CDH1: variants seen among roughly 807,000 people sequenced by gnomAD.
CDH1 encodes the protein cadherin-1.
In CDH1, 35 loss-of-function variants were observed where a neutral mutation model predicts 84.5. That is an observed-to-expected ratio of 0.41 (90% confidence interval 0.32 to 0.55). The LOEUF (loss-of-function observed/expected upper bound fraction) is 0.55, where lower values mean the gene tolerates loss of function less well. CDH1 is among the 20% of genes least tolerant of loss of function. The pLI is 0.19. For missense variants in CDH1, 994 were observed against 1,126.6 expected, an observed-to-expected ratio of 0.88 and a Z score of 1.68; for synonymous variants, 417 against 439.0, an observed-to-expected ratio of 0.95 and a Z score of 0.63.
intron 2 of CDH1, among the ~76,000 whole-genome samples, chr16:68,771,656 AC>A: frequency 6.6e-6 from 1 of 151,828 alleles, no homozygotes; most frequent in Non-Finnish European, 1.5e-5. Flanking sequence ...GGAGGCTGAG[AC>A]AGGAGAATCG....
chr16:68,801,616 G>A (rs1960500604), intron 2 of CDH1, 54 bp from the exon 3 acceptor site: 3 of 1,447,130 alleles, frequency 2.1e-6, no homozygotes, highest in African/African-American at 2.8e-5. Context: ...GAGAAGGAAT[G>A]CTCTTGTCTT....
At chr16:68,745,533 CAA>C (rs67825283) in intron 2 of CDH1, among the ~76,000 whole-genome samples, 99 of 40,414 alleles carry the variant, frequency 2.4e-3, no homozygotes, top group African/African-American at 6.5e-3. Flanking sequence ...GATCCTGTCT[CAA>C]AAAAAAAAAA....
At chr16:68,815,977 C>G (rs1960977958) in intron 10 of CDH1, among the ~76,000 whole-genome samples, 1 of 152,136 alleles carries the variant, frequency 6.6e-6, no homozygotes, top group African/African-American at 2.4e-5. Flanking sequence ...TCTCTTTGAG[C>G]TCTTGTAGTA....
Position 68,815,678 on chromosome 16 carries a change from T to C in CDH1, c.1484T>C (p.Val495Ala), listed in dbSNP as rs786202482. 1.9e-6 allele frequency: 3 copies of C among 1,614,128 alleles called. No individual in the cohort carries two copies. Among genetic ancestry groups the C allele is most frequent in the African/African-American group, 2.7e-5 (2 of 74,948 alleles). ...IFVPPEKRVE[V>A]SEDFGVGQEI... ...GTGCCTCCTGAAAAGAGAGTGGAAG[T>C]GTCCGAGGACTTTGGCGTGGGCCAG... The change falls in exon 10 of 16, where the codon GTG (valine) becomes GCG (alanine). Residue 495 changes from valine to alanine, a missense_variant. Val to Ala is a moderately conservative substitution (Grantham distance 64). This residue lies in a region of CDH1 where 769 missense variants were observed against 881.8 expected (regional missense o/e 0.87). Transcript: ENST00000261769.
chr16:68,794,459 A>T (rs1214930210), intron 2 of CDH1, among the ~76,000 whole-genome samples: 1 of 152,086 alleles, frequency 6.6e-6, no homozygotes, highest in Non-Finnish European at 1.5e-5. Context: ...GTGTGGACAA[A>T]CTGGAGGCCT....
chr16:68,810,827 C>T (rs1160476376), intron 6 of CDH1, among the ~76,000 whole-genome samples: 2 of 151,182 alleles, frequency 1.3e-5, no homozygotes, highest in African/African-American at 4.9e-5. Context: ...GATCACGCCA[C>T]TGCACTCCAG....
At chr16:68,743,335 CTTT>C (rs1832657879) in intron 2 of CDH1, among the ~76,000 whole-genome samples, 1 of 25,594 alleles carries the variant, frequency 3.9e-5, no homozygotes, top group Non-Finnish European at 9.2e-5. Flanking sequence ...TTCTTTCTTT[CTTT>C]CTTTCTTTCT....
chr16:68,751,595 TG>T (rs1567477953), intron 2 of CDH1, among the ~76,000 whole-genome samples: 3 of 150,322 alleles, frequency 2.0e-5, no homozygotes, highest in African/African-American at 7.3e-5. Flanking sequence ...CTCTGCCTCC[TG>T]GGTTCAAGCA....
intron 2 of CDH1, among the ~76,000 whole-genome samples, chr16:68,744,886 CCT>C (rs1488202624): frequency 6.6e-6 from 1 of 152,130 alleles, no homozygotes; most frequent in East Asian, 1.9e-4. Context: ...CCCTGCGCTC[CCT>C]CTCACCCAGC....
chr16:68,802,518 T>C (rs8060418), intron 3 of CDH1, among the ~76,000 whole-genome samples: 48,433 of 151,624 alleles, frequency 0.32, 7,998 homozygotes, highest in African/African-American at 0.38. Flanking sequence ...ACTCTGTGGC[T>C]CAGGCTGGAG....
intron 6 of CDH1, among the ~76,000 whole-genome samples, chr16:68,811,368 C>T (rs1960822179): frequency 2.1e-5 from 3 of 145,548 alleles, no homozygotes; most frequent in South Asian, 4.3e-4. Flanking sequence ...TGCATTCCAG[C>T]CTGGGCAACA....
chr16:68,834,839 G>A lies in CDH1; in HGVS notation c.*1340G>A, dbSNP rs531092597. 38 of 232,566 alleles carry A rather than the reference G, an allele frequency of 1.6e-4. No homozygotes were observed. Among genetic ancestry groups the A allele is most frequent in the Admixed American group, 2.3e-4 (4 of 17,742 alleles). 14.4% of individuals were successfully genotyped at this position (232,566 alleles called of 1,614,324 possible). On this transcript the variant is annotated 3_prime_UTR_variant, in exon 16 of 16. Transcript: ENST00000261769. Reference sequence around the variant, plus strand: ...AAAGTGCTGCAGCCAAAGACAGAGCGGAACTATGAAAAGTGGGCTTGGAGA... The same window carrying A: ...AAAGTGCTGCAGCCAAAGACAGAGCAGAACTATGAAAAGTGGGCTTGGAGA...
chr16:68,763,612 C>A (rs1334173075), intron 2 of CDH1: 2 of 152,126 alleles, frequency 1.3e-5, no homozygotes, highest in African/African-American at 4.8e-5. Flanking sequence ...AATAAATCTG[C>A]GGAGGGGTCT....
chr16:68,824,067 A>G (rs1033347624), intron 13 of CDH1, among the ~76,000 whole-genome samples: 1 of 136,862 alleles, frequency 7.3e-6, no homozygotes, highest in African/African-American at 2.9e-5. Context: ...GTGTGATCTC[A>G]GCTCACTGCA....
chr16:68,823,530 G>A lies in CDH1; in HGVS notation c.2068G>A (p.Gly690Arg), dbSNP rs2152139492. The change falls in exon 13 of 16, where the codon GGG becomes AGG. Residue 690 changes from glycine (G) to arginine (R), a missense_variant. Transcript: ENST00000261769. Reference sequence around the variant, plus strand: ...AGAGGTCAGCGTGTGTGACTGTGAAGGGGCCGCTGGCGTCTGTAGGAAGGC... The same window carrying A: ...AGAGGTCAGCGTGTGTGACTGTGAAAGGGCCGCTGGCGTCTGTAGGAAGGC... ...TLEVSVCDCE[G>R]AAGVCRKAQP... 1.2e-6 allele frequency: 2 copies of A among 1,614,078 alleles called. No homozygotes were observed. Among genetic ancestry groups the A allele is most frequent in the South Asian group, 1.1e-5 (1 of 91,076 alleles).
chr16:68,741,289 G>A (rs1450049268), intron 2 of CDH1, among the ~76,000 whole-genome samples: 34 of 152,108 alleles, frequency 2.2e-4, no homozygotes, highest in Non-Finnish European at 2.9e-5. Context: ...GCCCCAGGAT[G>A]GAAGTGCCCT....
At chr16:68,822,619 G>T in intron 12 of CDH1, 1 of 433,646 alleles carries the variant, frequency 2.3e-6, no homozygotes, top group South Asian at 1.9e-5. Flanking sequence ...ATTCTACCGA[G>T]GTGGAGGCAG....
At chr16:68,761,431 C>T (rs537858505) in intron 2 of CDH1, among the ~76,000 whole-genome samples, 79 of 152,348 alleles carry the variant, frequency 5.2e-4, no homozygotes, top group Non-Finnish European at 7.6e-4. Context: ...TGTGTCTATC[C>T]TCCATTCGTT....
intron 2 of CDH1, among the ~76,000 whole-genome samples, chr16:68,788,621 A>G (rs1960129567): frequency 6.6e-6 from 1 of 152,140 alleles, no homozygotes; most frequent in Non-Finnish European, 1.5e-5. Context: ...GCTATACCAT[A>G]TTTTACCCAT....
Sources: allele counts gnomAD v4.1 joint callset (sites outside exome capture counted in the v4.1 genomes callset), GRCh38; gene constraint gnomAD v4.1.1; regional missense constraint gnomAD v4.1.1; transcripts MANE v1.5; gene names NCBI Gene and HGNC (gene_info 2026-07-23, HGNC 2026-07-21).